Variants in MAP2K6 observed in about 807,000 individuals in gnomAD.
MAP2K6 encodes dual specificity mitogen-activated protein kinase kinase 6.
A neutral mutation model predicts 53.7 loss-of-function variants in MAP2K6; 16 were observed. The ratio of observed to expected loss-of-function variants is 0.30; its 90% CI spans 0.20 to 0.45. MAP2K6 has a LOEUF of 0.45. Among genes scored for constraint, MAP2K6 ranks in the 20% least tolerant of loss-of-function variants. The pLI, the probability that MAP2K6 is intolerant of heterozygous loss-of-function variation, is 1.00. For missense variants in MAP2K6, 204 were observed against 411.9 expected (o/e 0.50, Z 4.37); for synonymous variants, 132 against 143.1 (o/e 0.92, Z 0.55).
At chr17:69,434,335 G>A (rs1377728229) in intron 1 of MAP2K6, 1 of 152,186 alleles carries the variant, frequency 6.6e-6, no homozygotes, top group African/African-American at 2.4e-5. Context: ...CATACGACAT[G>A]TCTCCCCCTC....
In MAP2K6 at chr17:69,549,136, G is replaced by C. The variant is rs1911996316; in HGVS notation, c.*7383G>C. On this transcript the variant is annotated 3_prime_UTR_variant, in exon 12 of 12. Coordinates refer to ENST00000590474, the MANE Select transcript of MAP2K6 (RefSeq NM_002758.4). ...GACATTGAGCCCTTTATTTTTGGGA[G>C]TTTACAGTTAAATTTTGGAAGAATT... is the stretch of plus-strand genomic sequence containing the variant. The C allele has an allele frequency of 6.6e-6, 1 of 152,164 alleles. No homozygotes were observed. The highest frequency in any genetic ancestry group is 1.5e-5 in the Non-Finnish European group (1 of 68,012). 9.4% of individuals were successfully genotyped at this position (152,164 alleles called of 1,614,324 possible). A position where few individuals can be genotyped will look rare whatever the true frequency, so the allele number is the denominator to read the frequency against.
intron 8 of MAP2K6, 73 bp from the exon 9 acceptor site, chr17:69,524,828 C>T: frequency 8.7e-7 from 1 of 1,146,594 alleles, no homozygotes; most frequent in South Asian, 1.3e-5. Flanking sequence ...TACCCCCATC[C>T]CCAGAGACTA....
At chr17:69,429,258 G>T (rs1906377142) in intron 1 of MAP2K6, among the ~76,000 whole-genome samples, 1 of 147,494 alleles carries the variant, frequency 6.8e-6, no homozygotes, top group Non-Finnish European at 1.5e-5. Context: ...GGGCAACATA[G>T]TGAGACTCTG....
At chr17:69,536,708 G>C (rs567102487) in intron 11 of MAP2K6, among the ~76,000 whole-genome samples, 2 of 152,202 alleles carry the variant, frequency 1.3e-5, no homozygotes, top group African/African-American at 4.8e-5. Context: ...ATCACTTGCT[G>C]TGTCTATAAA....
rs1261161046 is a variant in MAP2K6, at chr17:69,523,504, T to C, written c.536-10T>C. ...TGAAATGATGGCATCCTGGTTGTTT[T>C]CGCTTTCAGACGTCAAGCCTTCTAA... On this transcript the variant is annotated splice_polypyrimidine_tract_variant and intron_variant, in intron 7 of 11. Transcript: ENST00000590474. 6.2e-7 allele frequency: 1 copy of C among 1,613,266 alleles called. No individual in the cohort carries two copies. Among genetic ancestry groups the C allele is most frequent in the Non-Finnish European group, 8.5e-7 (1 of 1,179,258 alleles).
At chr17:69,534,966 T>G (rs758794023) in intron 10 of MAP2K6, among the ~76,000 whole-genome samples, 12 of 152,062 alleles carry the variant, frequency 7.9e-5, no homozygotes, top group Non-Finnish European at 1.2e-4. Context: ...TTTCTTTTCT[T>G]TCTTTCTTTT....
At chr17:69,437,045 T>C (rs1289661521) in intron 1 of MAP2K6, among the ~76,000 whole-genome samples, 1 of 152,122 alleles carries the variant, frequency 6.6e-6, no homozygotes, top group Non-Finnish European at 1.5e-5. Context: ...CAGGCTGGTC[T>C]CAAACTTCTG....
At chr17:69,456,072 G>A (rs1348190950) in intron 1 of MAP2K6, among the ~76,000 whole-genome samples, 1 of 152,002 alleles carries the variant, frequency 6.6e-6, no homozygotes, top group African/African-American at 2.4e-5. Context: ...TGTTGGCCAG[G>A]CTGGTCTCGA....
intron 8 of MAP2K6, among the ~76,000 whole-genome samples, chr17:69,524,586 C>G (rs1332041261): frequency 6.6e-6 from 1 of 152,042 alleles, no homozygotes; most frequent in African/African-American, 2.4e-5. Flanking sequence ...ATGTTTTAAA[C>G]AAGGATAATT....
intron 1 of MAP2K6, among the ~76,000 whole-genome samples, chr17:69,420,166 G>A (rs72847071): frequency 0.057 from 8,692 of 152,198 alleles, 322 homozygotes; most frequent in Non-Finnish European, 0.084. Flanking sequence ...TAAGAAAAAT[G>A]TAGTGATCTG....
rs189015823 is a variant in MAP2K6 at position 69,518,044 on chromosome 17, G to A, written c.246+431G>A. The stretch of plus-strand genomic sequence containing the variant: ...TCTCTACTAAAAATACAAAAAATTA[G>A]CCAGGCATGGTGGCACACACCTGTA... On this transcript the variant is annotated intron_variant, in intron 4 of 11. Transcript: ENST00000590474. Among the ~76,000 whole-genome samples the A allele has an allele frequency of 1.5e-3, 236 of 152,270 alleles. 1 individual carries two copies. Among genetic ancestry groups the A allele is most frequent in the African/African-American group, 5.5e-3 (227 of 41,552 alleles).
chr17:69,500,777 A>G (rs1257142312), intron 1 of MAP2K6, among the ~76,000 whole-genome samples: 2 of 151,878 alleles, frequency 1.3e-5, no homozygotes, highest in Admixed American at 1.3e-4. Flanking sequence ...AAAAAAAAAA[A>G]GAGGTTTTCA....
At position 69,462,024 on chromosome 17, in the gene MAP2K6, TAGTG is replaced by T. The variant is rs1225811552; in HGVS notation, c.17-43753_17-43750del. ...GGCAGTTTGGAAAGGAAGGTGAAAT[TAGTG>T]AGGTTTTAGTTCGCACTTGGGACGA... On this transcript the variant is annotated intron_variant, in intron 1 of 11. Coordinates refer to ENST00000590474, the MANE Select transcript of MAP2K6 (RefSeq NM_002758.4). 3.9e-5 allele frequency among the ~76,000 whole-genome samples: 6 copies of T among 152,266 alleles called. No homozygotes were observed. In the South Asian group the frequency reaches 1.2e-3, roughly 32 times the overall value.
chr17:69,446,221 A>C (rs1288519133), intron 1 of MAP2K6, among the ~76,000 whole-genome samples: 1 of 152,240 alleles, frequency 6.6e-6, no homozygotes, highest in Non-Finnish European at 1.5e-5. Flanking sequence ...TGGCCTAAGA[A>C]TATCAAGAAT....
chr17:69,426,724 G>A (rs1010292461), intron 1 of MAP2K6, among the ~76,000 whole-genome samples: 8 of 151,814 alleles, frequency 5.3e-5, no homozygotes, highest in Non-Finnish European at 1.0e-4. Context: ...ACATAGGTAC[G>A]GGAAGGACTC....
chr17:69,468,427 C>T (rs1378445077), intron 1 of MAP2K6, among the ~76,000 whole-genome samples: 1 of 152,214 alleles, frequency 6.6e-6, no homozygotes, highest in African/African-American at 2.4e-5. Context: ...ACACAGCCAA[C>T]GAATCACTGT....
At position 69,460,718 on chromosome 17, in the gene MAP2K6, A is replaced by G. The variant is rs554701974; in HGVS notation, c.17-45062A>G. ...TGGGCTCAAGTGATCCTCCCACCTC[A>G]GCCTCCCAAGTAGCTGGAACTACAG... On this transcript the variant is annotated intron_variant, in intron 1 of 11. Coordinates refer to ENST00000590474, the MANE Select transcript of MAP2K6 (RefSeq NM_002758.4). Among the ~76,000 whole-genome samples the G allele has an allele frequency of 2.0e-4, 30 of 152,212 alleles. 3 individuals are homozygous for G. The highest frequency in any genetic ancestry group is 7.2e-4 in the African/African-American group (30 of 41,544).
At chr17:69,415,120 G>C in intron 1 of MAP2K6, 120 bp downstream of exon 1, 1 of 897,400 alleles carries the variant, frequency 1.1e-6, no homozygotes, top group Non-Finnish European at 1.8e-6. Context: ...CCACAGCTCA[G>C]TTGCATTTCC....
At chr17:69,472,895 TG>T (rs1908028898) in intron 1 of MAP2K6, among the ~76,000 whole-genome samples, 1 of 152,138 alleles carries the variant, frequency 6.6e-6, no homozygotes, top group East Asian at 1.9e-4. Flanking sequence ...TCAGTAGAGA[TG>T]GGGTTTCACC....
Sources: allele counts gnomAD v4.1 joint callset (sites outside exome capture counted in the v4.1 genomes callset), GRCh38; gene constraint gnomAD v4.1.1; transcripts MANE v1.5; gene names NCBI Gene and HGNC (gene_info 2026-07-23, HGNC 2026-07-21).